PCDH7: variants seen among roughly 807,000 people sequenced by gnomAD.
The protein encoded by PCDH7 is protocadherin 7, also known as protocadherin-7.
Under a neutral mutation model 58.9 loss-of-function variants are expected in PCDH7, and 17 were observed. The ratio of observed to expected loss-of-function variants is 0.29; its 90% CI spans 0.20 to 0.43. The LOEUF is 0.43. PCDH7 is among the 20% of genes least tolerant of loss of function. PCDH7 has a pLI of 1.00. For synonymous variants in PCDH7, 664 were observed against 616.4 expected (o/e 1.08, Z -1.14); for missense variants, 1,274 against 1,441.0 (o/e 0.88, Z 1.88).
chr4:30,899,186 A>G (rs1433722780), intron 1 of PCDH7, among the ~76,000 whole-genome samples: 1 of 152,164 alleles, frequency 6.6e-6, no homozygotes, highest in African/African-American at 2.4e-5. Context: ...TTTTTACGCT[A>G]CAGATTTTGA....
chr4:30,745,495 C>T lies in PCDH7; in HGVS notation c.70+20899C>T, dbSNP rs547911237. 2.6e-5 allele frequency among the ~76,000 whole-genome samples: 4 copies of T among 152,148 alleles called. No homozygotes were observed. In the South Asian group the frequency reaches 8.3e-4, roughly 32 times the overall value. ...TGACAGCTTTTAAGATACTGCCTCT[C>T]CAAGTTATATTTCTATTCATGGAGG... On this transcript the variant is annotated intron_variant, in intron 1 of 3. Coordinates refer to the PCDH7 transcript ENST00000509759.
chr4:30,808,565 T>G (rs947468540), intron 1 of PCDH7, among the ~76,000 whole-genome samples: 1 of 152,170 alleles, frequency 6.6e-6, no homozygotes, highest in Non-Finnish European at 1.5e-5. Context: ...CAGCTCAACA[T>G]TCATCCTCCC....
chr4:31,145,786 A>C (rs188228296), downstream of PCDH7: 26 of 152,238 alleles, frequency 1.7e-4, no homozygotes, highest in African/African-American at 3.4e-4. Context: ...TGTAACACAG[A>C]GATACTATCA....
intron 1 of PCDH7, among the ~76,000 whole-genome samples, chr4:30,796,943 T>C (rs1174184323): frequency 1.3e-5 from 2 of 152,072 alleles, no homozygotes; most frequent in Non-Finnish European, 2.9e-5. Context: ...TTTCTAATTA[T>C]TAAGTTGTTG....
At chr4:30,802,442 G>A (rs138179061) in intron 1 of PCDH7, among the ~76,000 whole-genome samples, 1,553 of 152,086 alleles carry the variant, frequency 0.01, 24 homozygotes, top group African/African-American at 0.035. Context: ...AAATTTGGTA[G>A]GTTTGTGGGT....
chr4:30,820,218 AATAG>A (rs1560403145), intron 1 of PCDH7, among the ~76,000 whole-genome samples: 1 of 152,180 alleles, frequency 6.6e-6, no homozygotes, highest in Non-Finnish European at 1.5e-5. Context: ...AGTAAAATAA[AATAG>A]ATACTTTTTG....
chr4:30,959,792 T>C (rs1748209896), intron 3 of PCDH7, among the ~76,000 whole-genome samples: 1 of 152,164 alleles, frequency 6.6e-6, no homozygotes. Flanking sequence ...TGTGCCTTCA[T>C]CTATTTTGGT....
At chr4:30,869,234 T>C (rs1366880306) in intron 1 of PCDH7, 2 of 152,044 alleles carry the variant, frequency 1.3e-5, no homozygotes, top group Non-Finnish European at 2.9e-5. Context: ...AAAAATTAAT[T>C]AAGATATTGT....
chr4:30,955,730 G>A (rs1747792845), intron 3 of PCDH7, among the ~76,000 whole-genome samples: 1 of 151,524 alleles, frequency 6.6e-6, no homozygotes, highest in South Asian at 2.1e-4. Context: ...TTTATTTTTA[G>A]TGGAGACAGG....
intron 3 of PCDH7, among the ~76,000 whole-genome samples, chr4:31,063,001 T>C (rs1757805877): frequency 6.6e-6 from 1 of 151,850 alleles, no homozygotes. Flanking sequence ...TTATTACATA[T>C]GTGTATAATA....
At chr4:30,913,803 GC>G (rs1331673224) in intron 1 of PCDH7, among the ~76,000 whole-genome samples, 1 of 151,930 alleles carries the variant, frequency 6.6e-6, no homozygotes, top group Non-Finnish European at 1.5e-5. Context: ...TCACCAATAT[GC>G]CCATTTTAGC....
At chr4:30,752,384 T>C (rs1452815090) in intron 1 of PCDH7, among the ~76,000 whole-genome samples, 1 of 152,168 alleles carries the variant, frequency 6.6e-6, no homozygotes, top group Admixed American at 6.5e-5. Flanking sequence ...TGGAGCAGGT[T>C]CATGGATGAT....
In PCDH7 at chr4:30,840,346, T is replaced by A. The variant is rs535278475; in HGVS notation, c.71-79807T>A. Among the ~76,000 whole-genome samples the A allele has an allele frequency of 5.8e-4, 89 of 152,206 alleles. 2 individuals are homozygous for A. The South Asian group carries it at 0.016, about 27-fold the overall frequency. ...TTGGACTTGGCAGGAATGCCTTAGCTCAGTGCCAGTGTGGTAACCTTAAAC... is the reference window on the plus strand; with the variant it reads ...TTGGACTTGGCAGGAATGCCTTAGCACAGTGCCAGTGTGGTAACCTTAAAC... On this transcript the variant is annotated intron_variant, in intron 1 of 3. Coordinates refer to the PCDH7 transcript ENST00000509759.
At chr4:30,949,504 A>G (rs975680131) in intron 2 of PCDH7, among the ~76,000 whole-genome samples, 2 of 152,182 alleles carry the variant, frequency 1.3e-5, no homozygotes, top group Non-Finnish European at 2.9e-5. Context: ...TACATAGTCC[A>G]GATTAAACCA....
intron 2 of PCDH7, among the ~76,000 whole-genome samples, chr4:30,929,475 C>A (rs570714469): frequency 3.3e-5 from 5 of 151,994 alleles, no homozygotes; most frequent in Non-Finnish European, 7.4e-5. Flanking sequence ...ATTGTAAGTT[C>A]GTTATAAGAA....
In PCDH7 at chr4:30,930,737, G is replaced by A. The variant is rs372992010; in HGVS notation, c.287+10368G>A. Among the ~76,000 whole-genome samples, 47 of 152,026 alleles carry A rather than the reference G, an allele frequency of 3.1e-4. No homozygotes were observed. The East Asian group carries it at 3.7e-3, about 12-fold the overall frequency. ...GCTTGTGCCCGGGAGTTCCAGACTC[G>A]CCTGGGCAACAGAGTGAGACCCTGT... On this transcript the variant is annotated intron_variant, in intron 2 of 3. Coordinates refer to the PCDH7 transcript ENST00000509759.
chr4:30,797,248 G>A (rs1724902970), intron 1 of PCDH7, among the ~76,000 whole-genome samples: 1 of 147,766 alleles, frequency 6.8e-6, no homozygotes, highest in African/African-American at 2.5e-5. Flanking sequence ...TTCCTACTTT[G>A]TTTTGTTTTG....
chr4:30,762,099 A>G (rs550978802), intron 1 of PCDH7, among the ~76,000 whole-genome samples: 11 of 152,344 alleles, frequency 7.2e-5, no homozygotes, highest in Non-Finnish European at 1.3e-4. Context: ...CTGCATTTAT[A>G]TATTAATCCT....
intron 1 of PCDH7, among the ~76,000 whole-genome samples, chr4:30,880,253 T>C (rs1178957511): frequency 6.6e-6 from 1 of 151,002 alleles, no homozygotes; most frequent in Non-Finnish European, 1.5e-5. Context: ...AAGTGGTCAT[T>C]ATCCATAGTA....
Sources: allele counts gnomAD v4.1 joint callset (sites outside exome capture counted in the v4.1 genomes callset), GRCh38; gene constraint gnomAD v4.1.1; transcripts MANE v1.5; gene names NCBI Gene and HGNC (gene_info 2026-07-23, HGNC 2026-07-21).